ZFHX3: variants seen among roughly 807,000 people sequenced by gnomAD.
ZFHX3 encodes the protein zinc finger homeobox 3.
A neutral mutation model predicts 279.1 loss-of-function variants in ZFHX3; 42 were observed. That is an observed-to-expected ratio of 0.15 (90% CI 0.12 to 0.19). The LOEUF (loss-of-function observed/expected upper bound fraction) is 0.19, where lower values mean the gene tolerates loss of function less well. Ranked by LOEUF, ZFHX3 falls within the 10% of genes least tolerant of loss-of-function variation. ZFHX3 has a pLI of 1.00. For missense variants in ZFHX3, 4,981 were observed against 4,754.0 expected, an observed-to-expected ratio of 1.05 and a Z score of -1.40; for synonymous variants, 2,293 against 1,957.8, an observed-to-expected ratio of 1.17 and a Z score of -4.52.
intron 1 of ZFHX3, among the ~76,000 whole-genome samples, chr16:73,042,298 G>A (rs1037541551): frequency 5.9e-5 from 9 of 152,102 alleles, no homozygotes; most frequent in Non-Finnish European, 1.3e-4. Flanking sequence ...CAAATGAGAA[G>A]ACAGAGGCAG....
chr16:73,553,210 A>G (rs2020227083), intron 2 of ZFHX3, among the ~76,000 whole-genome samples: 1 of 151,730 alleles, frequency 6.6e-6, no homozygotes, highest in Non-Finnish European at 1.5e-5. Flanking sequence ...TTTTTTTCAA[A>G]ATAGTGTCTG....
At chr16:73,754,487 G>A (rs945233634) in intron 1 of ZFHX3, among the ~76,000 whole-genome samples, 5 of 151,934 alleles carry the variant, frequency 3.3e-5, no homozygotes, top group Non-Finnish European at 5.9e-5. Flanking sequence ...GCATACACCA[G>A]CATCTTTGGT....
chr16:73,815,745 A>G (rs1960551844), intron 1 of ZFHX3: 1 of 151,964 alleles, frequency 6.6e-6, no homozygotes, highest in Non-Finnish European at 1.5e-5. Context: ...TTGTATTTTT[A>G]CTAGAGACAG....
intron 4 of ZFHX3, among the ~76,000 whole-genome samples, chr16:72,859,851 A>G (rs2037840378): frequency 6.6e-6 from 1 of 152,198 alleles, no homozygotes; most frequent in Admixed American, 6.5e-5. Context: ...TTCTGAGATC[A>G]GAAGAGTTTA....
At chr16:72,940,921 C>G (rs1443686440) in intron 3 of ZFHX3, among the ~76,000 whole-genome samples, 1 of 152,250 alleles carries the variant, frequency 6.6e-6, no homozygotes, top group Admixed American at 6.5e-5. Flanking sequence ...CAATTTAAAC[C>G]TACTCTCTGC....
At chr16:73,457,782 A>G (rs527377710) in intron 2 of ZFHX3, among the ~76,000 whole-genome samples, 3 of 152,284 alleles carry the variant, frequency 2.0e-5, no homozygotes, top group Admixed American at 6.5e-5. Context: ...CTCAAAAAAT[A>G]AAATAAAATA....
chr16:73,735,902 T>TG (rs779275977), intron 1 of ZFHX3, among the ~76,000 whole-genome samples: 10,860 of 149,668 alleles, frequency 0.073, 449 homozygotes, highest in African/African-American at 0.082. Flanking sequence ...TTTTTTTTTT[T>TG]TTTTTTTTTT....
rs757316139 is a variant in ZFHX3, at chr16:72,957,797, TGCCGCC to T, written c.2343_2348del (p.Ala783_Ala784del). 4.2e-5 allele frequency: 67 copies of T among 1,608,228 alleles called. No individual in the cohort carries two copies. Among genetic ancestry groups the T allele is most frequent in the Non-Finnish European group, 5.3e-5 (62 of 1,177,576 alleles). ...CCCCGCAGGAGCTACTGATATTGGC[TGCCGCC>T]GCCGCCGCAGCCACCGCCGCCGCCG... On this transcript the variant is annotated inframe_deletion, in exon 2 of 10. Transcript: ENST00000268489.
chr16:73,212,208 C>G (rs1422026922), intron 5 of ZFHX3, among the ~76,000 whole-genome samples: 1 of 150,822 alleles, frequency 6.6e-6, no homozygotes, highest in Non-Finnish European at 1.5e-5. Context: ...CCTGAGATCA[C>G]AGCTATAAAC....
At chr16:73,631,121 G>C (rs1196286445) in intron 2 of ZFHX3, among the ~76,000 whole-genome samples, 1 of 152,162 alleles carries the variant, frequency 6.6e-6, no homozygotes, top group East Asian at 1.9e-4. Context: ...AGTTGTTGAG[G>C]ACACCAAAGA....
chr16:72,889,704 G>A (rs2038722503), intron 4 of ZFHX3, 27 bp downstream of exon 4: 2 of 1,605,678 alleles, frequency 1.2e-6, no homozygotes, highest in Non-Finnish European at 1.7e-6. Flanking sequence ...CCCAACCTGG[G>A]CCTCCCATGC....
At chr16:73,874,118 T>C (rs905403215) in intron 1 of ZFHX3, among the ~76,000 whole-genome samples, 1 of 152,208 alleles carries the variant, frequency 6.6e-6, no homozygotes, top group African/African-American at 2.4e-5. Flanking sequence ...TATAGGCACA[T>C]ATGTAATCTA....
intron 2 of ZFHX3, among the ~76,000 whole-genome samples, chr16:73,475,758 C>G (rs1354640886): frequency 1.3e-5 from 2 of 152,168 alleles, no homozygotes; most frequent in African/African-American, 4.8e-5. Flanking sequence ...AGAGTATATT[C>G]CAATTTTCTA....
At chr16:73,814,011 G>C (rs1463378109) in intron 1 of ZFHX3, among the ~76,000 whole-genome samples, 4 of 152,182 alleles carry the variant, frequency 2.6e-5, no homozygotes, top group African/African-American at 9.7e-5. Flanking sequence ...AGTTGTAAGT[G>C]AGTTTGCCTT....
chr16:73,117,095 G>C (rs893132873), intron 7 of ZFHX3, among the ~76,000 whole-genome samples: 1 of 152,210 alleles, frequency 6.6e-6, no homozygotes, highest in African/African-American at 2.4e-5. Context: ...TAAAGGTAGT[G>C]CTTCAAACTC....
intron 1 of ZFHX3, among the ~76,000 whole-genome samples, chr16:73,871,655 T>C (rs2029862513): frequency 6.6e-6 from 1 of 152,062 alleles, no homozygotes; most frequent in African/African-American, 2.4e-5. Context: ...AAAGATGACA[T>C]CAAGATGGAA....
intron 5 of ZFHX3, among the ~76,000 whole-genome samples, chr16:73,173,008 G>GTTTTTTTTTTTTTTT (rs869289153): frequency 6.0e-5 from 3 of 49,956 alleles, no homozygotes; most frequent in Non-Finnish European, 9.6e-5. Flanking sequence ...TTTTTTTTTT[G>GTTTTTTTTTTTTTTT]TTTTTTTTTT....
chr16:73,029,599 CTGGAG>C (rs1186146440), intron 1 of ZFHX3, among the ~76,000 whole-genome samples: 16 of 152,186 alleles, frequency 1.1e-4, no homozygotes, highest in Non-Finnish European at 1.6e-4. Flanking sequence ...CAGCATTTAT[CTGGAG>C]ATTTCTTCCC....
At chr16:72,998,070 C>G (rs1963359911) in intron 1 of ZFHX3, among the ~76,000 whole-genome samples, 1 of 151,770 alleles carries the variant, frequency 6.6e-6, no homozygotes, top group Non-Finnish European at 1.5e-5. Context: ...AAAGCAAGAC[C>G]CTGTCCAAAC....
Sources: gnomAD v4.1 joint callset for allele counts (sites outside exome capture counted in the v4.1 genomes callset) on GRCh38, gnomAD v4.1.1 for gene constraint, MANE v1.5 for transcripts, NCBI Gene and HGNC (gene_info 2026-07-23, HGNC 2026-07-21) for gene names.